SH3TC2: variants seen among roughly 807,000 people sequenced by gnomAD.
SH3TC2 encodes the protein SH3 domain and tetratricopeptide repeats 2, also known as SH3 domain and tetratricopeptide repeat-containing protein 2.
Under a neutral mutation model 124.5 loss-of-function variants are expected in SH3TC2, and 87 were observed. That is an observed-to-expected ratio of 0.70 (90% confidence interval 0.59 to 0.84). The LOEUF is 0.84. Ranked by LOEUF, SH3TC2 falls within the 40% of genes least tolerant of loss-of-function variation. SH3TC2 has a pLI of 0.00. For missense variants in SH3TC2, 1,536 were observed against 1,566.4 expected (o/e 0.98, Z 0.33); for synonymous variants, 634 against 628.5 (o/e 1.01, Z -0.13).
intron 16 of SH3TC2, among the ~76,000 whole-genome samples, chr5:149,005,801 G>A (rs532035021): frequency 1.1e-4 from 17 of 152,252 alleles, no homozygotes; most frequent in Admixed American, 1.0e-3. Context: ...TTCCCTGGGG[G>A]CCAAACACAG....
Position 149,005,676 on chromosome 5 carries a change from G to A in SH3TC2, c.3676-774C>T, listed in dbSNP as rs138278977. On this transcript the variant is annotated intron_variant, in intron 16 of 16. Transcript: ENST00000515425. ...AAAGATGAGAAACAGATGCTTCTTT[G>A]GGTGAGACTCAAAAAGGCTGCCTGG... Among the ~76,000 whole-genome samples the A allele has an allele frequency of 5.3e-3, 803 of 152,204 alleles. 9 individuals are homozygous for A. Among genetic ancestry groups the A allele is most frequent in the African/African-American group, 0.018 (765 of 41,516 alleles).
rs144360797 is a variant in SH3TC2 at position 149,006,772 on chromosome 5, G to A, written c.3675+109C>T. On this transcript the variant is annotated intron_variant, in intron 16 of 16. Transcript: ENST00000515425. ...CTATGAGACAAGACTTCTCATCTTG[G>A]CACTCTGGTTTTCTCAGCTCCACCA... 3,187 of 1,111,824 alleles carry A rather than the reference G, an allele frequency of 2.9e-3. 18 individuals are homozygous for A. The highest frequency in any genetic ancestry group is 0.012 in the South Asian group (981 of 80,130). The allele number at this position is 1,111,824 out of a possible 1,614,324, so 68.9% of individuals were successfully genotyped here.
chr5:148,984,950 G>A lies in SH3TC2; in HGVS notation c.*19761C>T, dbSNP rs1753310315. Among the ~76,000 whole-genome samples the A allele has an allele frequency of 6.6e-6, 1 of 152,118 alleles. No individual in the cohort carries two copies. The highest frequency in any genetic ancestry group is 2.4e-5 in the African/African-American group (1 of 41,422). On this transcript the variant is annotated 3_prime_UTR_variant, in exon 17 of 17. Coordinates refer to ENST00000515425, the MANE Select transcript of SH3TC2 (RefSeq NM_024577.4). Reference sequence around the variant, plus strand: ...TACCATTTACAAAGTGTATAAAACAGGACAGGAAGTGAATCCTAGGGATGG... The same window carrying A: ...TACCATTTACAAAGTGTATAAAACAAGACAGGAAGTGAATCCTAGGGATGG...
chr5:149,004,992 T>TTTTTG (rs1554120072), intron 16 of SH3TC2, 90 bp from the exon 17 acceptor site: 7 of 1,407,278 alleles, frequency 5.0e-6, no homozygotes, highest in Middle Eastern at 2.3e-4. Flanking sequence ...CTCTAGTTTT[T>TTTTTG]TTTGTTTGTT....
In SH3TC2 at chr5:148,999,178, C is replaced by T. The variant is rs1220755797; in HGVS notation, c.*5533G>A. The stretch of plus-strand genomic sequence containing the variant: ...TGAAAAGGAGAAAGAGCTTCAGACC[C>T]AAGTGTCCCTGAATGCAGGACCAGG... On this transcript the variant is annotated 3_prime_UTR_variant, in exon 17 of 17. Coordinates refer to ENST00000515425, the MANE Select transcript of SH3TC2 (RefSeq NM_024577.4). Among the ~76,000 whole-genome samples, 2 of 152,200 alleles carry T rather than the reference C, an allele frequency of 1.3e-5. No homozygotes were observed. The highest frequency in any genetic ancestry group is 4.8e-5 in the African/African-American group (2 of 41,444).
rs1753336117 is a variant in SH3TC2, at chr5:148,986,591, G to A, written c.*18120C>T. 6.6e-6 allele frequency among the ~76,000 whole-genome samples: 1 copy of A among 152,200 alleles called. No homozygotes were observed. The highest frequency in any genetic ancestry group is 2.4e-5 in the African/African-American group (1 of 41,446). ...TGCAGTAAGTTCTTAATAAATGCTT[G>A]TTGAATTATCATTTTAAAAGTGAAC... On this transcript the variant is annotated 3_prime_UTR_variant, in exon 17 of 17. Transcript: ENST00000515425.
At position 148,985,588 on chromosome 5, in the gene SH3TC2, T is replaced by G. The variant is rs894860138; in HGVS notation, c.*19123A>C. On this transcript the variant is annotated 3_prime_UTR_variant, in exon 17 of 17. Coordinates refer to ENST00000515425, the MANE Select transcript of SH3TC2 (RefSeq NM_024577.4). ...AGTATTCCACTGTATGAATACACCA[T>G]AGTTTGTTTATCCATTTCCCAGTTT... 1.3e-5 allele frequency among the ~76,000 whole-genome samples: 2 copies of G among 152,248 alleles called. No homozygotes were observed. The highest frequency in any genetic ancestry group is 2.9e-5 in the Non-Finnish European group (2 of 68,032).
rs569173372 is a variant in SH3TC2 at position 149,047,982 on chromosome 5, T to G, written c.159A>C (p.Thr53=). ...FLPQNINPDL[T]LSFCVKSRSR... ...AGCGGCTCTTTACACAGAAGGAGAG[T>G]GTCAGGTCTTAAAGAGAACAGAGAG... The change falls in exon 3 of 17, where the codon ACA becomes ACC. Residue 53 remains threonine, a synonymous_variant. Transcript: ENST00000515425. 1 of 1,613,676 alleles carries G rather than the reference T, an allele frequency of 6.2e-7. No individual in the cohort carries two copies. The highest frequency in any genetic ancestry group is 1.3e-5 in the African/African-American group (1 of 74,878).
intron 15 of SH3TC2, chr5:149,007,351 G>A: frequency 1.7e-6 from 1 of 599,230 alleles, no homozygotes. Flanking sequence ...ACTAAGTAGA[G>A]GATGGGTCAA....
rs751403676 is a variant in SH3TC2, at chr5:149,012,662, C to T, written c.3126G>A (p.Lys1042=). ...RIFIDLGETD[K]AAEAWLGAGR... ...CCGCCCCAAGCCAGGCCTCAGCAGC[C>T]TTGTCTGTCTCCCCCAGGTCAATGA... Residue 1042 remains lysine (K), a synonymous_variant, in exon 13 of 17, where the codon AAG becomes AAA. Transcript: ENST00000515425. The T allele has an allele frequency of 6.2e-7, 1 of 1,614,190 alleles. No individual in the cohort carries two copies. The highest frequency in any genetic ancestry group is 1.1e-5 in the South Asian group (1 of 91,082).
At position 149,004,398 on chromosome 5, in the gene SH3TC2, G is replaced by C. The variant is rs1181900146; in HGVS notation, c.*313C>G. ...GGGGAGGAAGGAAGGCTCCTGGAGG[G>C]CAAGATCCCTCATCTTCTCCAGAAT... On this transcript the variant is annotated 3_prime_UTR_variant, in exon 17 of 17. Coordinates refer to ENST00000515425, the MANE Select transcript of SH3TC2 (RefSeq NM_024577.4). 2.9e-6 allele frequency: 1 copy of C among 345,760 alleles called. No individual in the cohort carries two copies. The allele number at this position is 345,760 out of a possible 1,614,324, so 21.4% of individuals were successfully genotyped here.
At chr5:149,009,862 A>G (rs10477401) in intron 14 of SH3TC2, among the ~76,000 whole-genome samples, 6,069 of 152,256 alleles carry the variant, frequency 0.04, 397 homozygotes, top group African/African-American at 0.14. Context: ...ATGCTTATTA[A>G]AAATATGATC....
At chr5:149,031,819 A>C in intron 8 of SH3TC2, 132 bp from the exon 9 acceptor site, 1 of 1,163,076 alleles carries the variant, frequency 8.6e-7, no homozygotes, top group East Asian at 2.5e-5. Flanking sequence ...ATGAAATTAG[A>C]TTCCTCATCT....
intron 3 of SH3TC2, chr5:149,045,771 C>T (rs987546636): frequency 2.7e-5 from 5 of 182,572 alleles, no homozygotes; most frequent in East Asian, 1.8e-4. Flanking sequence ...CTCAGCCTCT[C>T]GAGTAGCTGG....
chr5:149,011,450 G>A (rs921685643), intron 13 of SH3TC2, among the ~76,000 whole-genome samples: 10 of 152,316 alleles, frequency 6.6e-5, no homozygotes, highest in Middle Eastern at 3.4e-3. Flanking sequence ...CCCAAAAATC[G>A]CAAGGCAGAT....
rs1753404325 is a variant in SH3TC2, at chr5:148,990,477, G to C, written c.*14234C>G. Among the ~76,000 whole-genome samples, 3 of 152,182 alleles carry C rather than the reference G, an allele frequency of 2.0e-5. No individual in the cohort carries two copies. The highest frequency in any genetic ancestry group is 1.3e-4 in the Admixed American group (2 of 15,284). On this transcript the variant is annotated 3_prime_UTR_variant, in exon 17 of 17. Transcript: ENST00000515425. ...AAGACAACCATGCTGATGAAGCCAA[G>C]TCAGGAGCAAAAGGAGATCAGAGCA...
Position 148,992,018 on chromosome 5 carries a change from C to A in SH3TC2, c.*12693G>T, listed in dbSNP as rs542030426. 5.5e-4 allele frequency among the ~76,000 whole-genome samples: 84 copies of A among 152,312 alleles called. No homozygotes were observed. Among genetic ancestry groups the A allele is most frequent in the Admixed American group, 1.8e-3 (28 of 15,300 alleles). ...TTCTGGTTCACTTTTCATATAATAA[C>A]AACAGAGCTGAGCTAGAGGGTCTCC... On this transcript the variant is annotated 3_prime_UTR_variant, in exon 17 of 17. Coordinates refer to ENST00000515425, the MANE Select transcript of SH3TC2 (RefSeq NM_024577.4).
At chr5:149,042,880 T>C in intron 4 of SH3TC2, 43 bp from the exon 5 acceptor site, 2 of 1,611,826 alleles carry the variant, frequency 1.2e-6, no homozygotes, top group South Asian at 1.1e-5. Flanking sequence ...AAATGATTTC[T>C]GACATAGCTG....
chr5:149,009,608 A>G (rs112084515), intron 14 of SH3TC2, among the ~76,000 whole-genome samples: 22 of 152,334 alleles, frequency 1.4e-4, no homozygotes, highest in African/African-American at 5.3e-4. Flanking sequence ...TAAATAAATG[A>G]ATATCTGAAT....
Sources: gnomAD v4.1 joint callset for allele counts (sites outside exome capture counted in the v4.1 genomes callset) on GRCh38, gnomAD v4.1.1 for gene constraint, MANE v1.5 for transcripts, NCBI Gene and HGNC (gene_info 2026-07-23, HGNC 2026-07-21) for gene names.